Variants in MTUS2 observed in about 807,000 individuals in gnomAD.
MTUS2 encodes the protein microtubule-associated tumor suppressor candidate 2.
Under a neutral mutation model 114.1 loss-of-function variants are expected in MTUS2, and 40 were observed. That is an observed-to-expected ratio of 0.35 (90% CI 0.27 to 0.46). MTUS2 has a LOEUF of 0.46. Ranked by LOEUF, MTUS2 falls within the 20% of genes least tolerant of loss-of-function variation. MTUS2 has a pLI of 1.00. For synonymous variants in MTUS2, 688 were observed against 672.0 expected (o/e 1.02, Z -0.37); for missense variants, 1,679 against 1,705.4 (o/e 0.98, Z 0.27).
At chr13:29,061,330 A>G (rs961248520) in intron 4 of MTUS2, among the ~76,000 whole-genome samples, 1 of 152,186 alleles carries the variant, frequency 6.6e-6, no homozygotes, top group Non-Finnish European at 1.5e-5. Context: ...TGTGTATTCA[A>G]CAAGATGTCT....
intron 5 of MTUS2, among the ~76,000 whole-genome samples, chr13:29,162,866 T>C (rs1432711006): frequency 6.6e-6 from 1 of 152,228 alleles, no homozygotes; most frequent in Non-Finnish European, 1.5e-5. Flanking sequence ...GACTTGCTGC[T>C]GCTCATTGGT....
intron 2 of MTUS2, among the ~76,000 whole-genome samples, chr13:29,002,670 C>T (rs980609650): frequency 6.6e-6 from 1 of 152,150 alleles, no homozygotes; most frequent in Non-Finnish European, 1.5e-5. Flanking sequence ...CAGTTAATCC[C>T]TCCATTAGAT....
Position 29,084,781 on chromosome 13 carries a change from A to ACCCC in MTUS2, c.2447-15985_2447-15982dup, listed in dbSNP as rs774295228. Among the ~76,000 whole-genome samples the ACCCC allele has an allele frequency of 9.7e-4, 89 of 92,170 alleles. 3 individuals carry two copies. Among genetic ancestry groups the ACCCC allele is most frequent in the African/African-American group, 1.6e-3 (36 of 22,708 alleles). The allele number at this position is 92,170 out of a possible 152,430, so 60.5% of individuals were successfully genotyped here. A position where few individuals can be genotyped will look rare whatever the true frequency, so the allele number is the denominator to read the frequency against. ...TTGAACTCCTGACCTCAGGTGATCC[A>ACCCC]CCCCCCCCCCTCACCGTTGGCCTTC... On this transcript the variant is annotated intron_variant, in intron 4 of 15. Transcript: ENST00000612955.
chr13:29,375,578 T>TAAA (rs1566163484), intron 8 of MTUS2, among the ~76,000 whole-genome samples: 2 of 3,806 alleles, frequency 5.3e-4, no homozygotes, highest in African/African-American at 1.3e-3. Flanking sequence ...TATATACATA[T>TAAA]ATATATATAC....
intron 7 of MTUS2, among the ~76,000 whole-genome samples, chr13:29,325,481 A>G (rs71434718): frequency 9.7e-5 from 9 of 92,828 alleles, no homozygotes; most frequent in Admixed American, 3.1e-4. Flanking sequence ...GAAAAGAAGA[A>G]GAGGAAGAGG....
chr13:28,830,827 TC>T, intron 1 of MTUS2, among the ~76,000 whole-genome samples: 1 of 152,260 alleles, frequency 6.6e-6, no homozygotes, highest in African/African-American at 2.4e-5. Context: ...ACAGCTGACT[TC>T]TCATCAGAAA....
In MTUS2 at chr13:29,354,829, T is replaced by A. The variant is rs375728491; in HGVS notation, c.2906-4433T>A. Among the ~76,000 whole-genome samples the A allele has an allele frequency of 2.4e-4, 36 of 152,306 alleles. No individual in the cohort carries two copies. The East Asian group carries it at 6.4e-3, about 27-fold the overall frequency. ...CTGGGCAAAATTTTTTGAAATAAAT[T>A]TAGATTGGTTTGATAAAAATAAAGC... On this transcript the variant is annotated intron_variant, in intron 7 of 15. Coordinates refer to ENST00000612955, the MANE Select transcript of MTUS2 (RefSeq NM_001033602.4).
At position 28,994,091 on chromosome 13, in the gene MTUS2, C is replaced by T. The variant is rs139956622; in HGVS notation, c.-242-30366C>T. Among the ~76,000 whole-genome samples the T allele has an allele frequency of 6.1e-3, 929 of 152,142 alleles. 7 individuals carry two copies. The highest frequency in any genetic ancestry group is 0.021 in the African/African-American group (877 of 41,494). On this transcript the variant is annotated intron_variant, in intron 2 of 15. Coordinates refer to ENST00000612955, the MANE Select transcript of MTUS2 (RefSeq NM_001033602.4). ...AACAGTCGCCGGTGTGTGATGTTCC[C>T]CTTCCTGTGTCCATGTGTTCTCATT...
chr13:28,844,268 A>G (rs1875710380), intron 2 of MTUS2, among the ~76,000 whole-genome samples: 1 of 152,180 alleles, frequency 6.6e-6, no homozygotes, highest in Admixed American at 6.5e-5. Context: ...AGGAGATAGG[A>G]GAATGAATTA....
intron 11 of MTUS2, among the ~76,000 whole-genome samples, chr13:29,490,659 G>A (rs750646036): frequency 2.6e-5 from 4 of 152,362 alleles, no homozygotes; most frequent in Middle Eastern, 3.4e-3. Context: ...TCTTAACACC[G>A]AATCTTTGCT....
At position 29,024,803 on chromosome 13, in the gene MTUS2, G is replaced by T. The variant is rs1261998730; in HGVS notation, c.105G>T (p.Thr35=). The T allele has an allele frequency of 1.2e-6, 2 of 1,613,854 alleles. No homozygotes were observed. Among genetic ancestry groups the T allele is most frequent in the African/African-American group, 2.7e-5 (2 of 74,892 alleles). The change falls in exon 3 of 16, where the codon ACG becomes ACT. Residue 35 remains threonine (T), a synonymous_variant. Coordinates refer to ENST00000612955, the MANE Select transcript of MTUS2 (RefSeq NM_001033602.4). ...AAAGCATCTTAAGTCTGGGAGATAC[G>T]AATGCCAATCAAATCATGTTGGAGG... ...NNESILSLGD[T]NANQIMLEVS...
At chr13:29,473,203 G>A (rs1478636059) in intron 9 of MTUS2, among the ~76,000 whole-genome samples, 4 of 151,768 alleles carry the variant, frequency 2.6e-5, no homozygotes, top group African/African-American at 9.7e-5. Context: ...TTATTTTATA[G>A]CTATTATAAA....
intron 5 of MTUS2, among the ~76,000 whole-genome samples, chr13:29,218,612 TC>T (rs1895778293): frequency 6.6e-6 from 1 of 152,228 alleles, no homozygotes; most frequent in Admixed American, 6.5e-5. Flanking sequence ...CATAATTACT[TC>T]CTTGATTCAG....
rs191816810 is a variant in MTUS2 at position 28,952,261 on chromosome 13, G to A, written c.-242-72196G>A. On this transcript the variant is annotated intron_variant, in intron 2 of 15. Coordinates refer to ENST00000612955, the MANE Select transcript of MTUS2 (RefSeq NM_001033602.4). ...CCAACACAACTCCCTGAGACAGTCA[G>A]TGTTAACAACCTCACACATAACTTT... 2.9e-3 allele frequency among the ~76,000 whole-genome samples: 437 copies of A among 152,326 alleles called. 1 individual carries two copies. Among genetic ancestry groups the A allele is most frequent in the African/African-American group, 0.01 (421 of 41,576 alleles).
At chr13:29,389,303 GTGTATATA>G (rs1372869851) in intron 8 of MTUS2, among the ~76,000 whole-genome samples, 3 of 114,490 alleles carry the variant, frequency 2.6e-5, no homozygotes, top group African/African-American at 1.1e-4. Flanking sequence ...GTGTGTATAT[GTGTATATA>G]TGTATACACA....
At chr13:29,471,216 G>A (rs1391858738) in intron 9 of MTUS2, among the ~76,000 whole-genome samples, 46 of 151,950 alleles carry the variant, frequency 3.0e-4, no homozygotes, top group Admixed American at 3.0e-3. Context: ...GGTGGCGCGT[G>A]CCTGTAATCC....
chr13:29,343,533 G>A (rs1901508382), intron 7 of MTUS2, among the ~76,000 whole-genome samples: 2 of 151,612 alleles, frequency 1.3e-5, no homozygotes, highest in Admixed American at 1.3e-4. Flanking sequence ...GGTTTATTTG[G>A]ATCTTCCCTC....
At chr13:29,389,882 C>T (rs529961244) in intron 8 of MTUS2, among the ~76,000 whole-genome samples, 1 of 87,228 alleles carries the variant, frequency 1.1e-5, no homozygotes, top group Admixed American at 1.3e-4. Flanking sequence ...TATATACATA[C>T]ATATGTGTAT....
At chr13:28,959,171 AC>A (rs1883206070) in intron 2 of MTUS2, among the ~76,000 whole-genome samples, 1 of 152,184 alleles carries the variant, frequency 6.6e-6, no homozygotes, top group Non-Finnish European at 1.5e-5. Flanking sequence ...TAGCCAGAAG[AC>A]CAGGAAAGGA....
Sources: gnomAD v4.1 joint callset for allele counts (sites outside exome capture counted in the v4.1 genomes callset) on GRCh38, gnomAD v4.1.1 for gene constraint, MANE v1.5 for transcripts, NCBI Gene and HGNC (gene_info 2026-07-23, HGNC 2026-07-21) for gene names.